Variants in GAB1 observed in about 807,000 individuals in gnomAD.
GAB1 encodes GRB2-associated-binding protein 1.
In GAB1, 19 loss-of-function variants were observed where a neutral mutation model predicts 66.5. The observed-to-expected ratio is 0.29, with a 90% CI of 0.20 to 0.42. GAB1 has a LOEUF of 0.42. Ranked by LOEUF, GAB1 falls within the 10% of genes least tolerant of loss-of-function variation. GAB1 has a pLI of 1.00. For synonymous variants in GAB1, 294 were observed against 301.4 expected, an observed-to-expected ratio of 0.98 and a Z score of 0.25; for missense variants, 732 against 858.5, an observed-to-expected ratio of 0.85 and a Z score of 1.84.
At chr4:143,364,687 G>A (rs554940424) in intron 1 of GAB1, among the ~76,000 whole-genome samples, 84 of 151,906 alleles carry the variant, frequency 5.5e-4, no homozygotes, top group African/African-American at 1.8e-3. Flanking sequence ...TTTGTTCTGG[G>A]GGATGGGAAT....
At chr4:143,357,103 A>G (rs1729475548) in intron 1 of GAB1, among the ~76,000 whole-genome samples, 1 of 152,054 alleles carries the variant, frequency 6.6e-6, no homozygotes, top group African/African-American at 2.4e-5. Flanking sequence ...TTAGTCCTGA[A>G]GCTCTTTCTG....
rs146173910 is a variant in GAB1, at chr4:143,344,351, G to A, written c.72+7091G>A. The stretch of plus-strand genomic sequence containing the variant: ...GGGTTTCTCTCATTTCACATTCCTC[G>A]CATCAACATGGCGCCTAATTTCCAC... On this transcript the variant is annotated intron_variant, in intron 1 of 9. Coordinates refer to ENST00000262994, the MANE Select transcript of GAB1 (RefSeq NM_002039.4). Among the ~76,000 whole-genome samples, 728 of 152,146 alleles carry A rather than the reference G, an allele frequency of 4.8e-3. 2 individuals are homozygous for A. Among genetic ancestry groups the A allele is most frequent in the Middle Eastern group, 0.031 (9 of 294 alleles).
intron 1 of GAB1, among the ~76,000 whole-genome samples, chr4:143,409,691 A>G (rs915685315): frequency 6.6e-6 from 1 of 152,084 alleles, no homozygotes; most frequent in African/African-American, 2.4e-5. Context: ...TGTGGGGAGG[A>G]AAGGGGAAGG....
intron 2 of GAB1, among the ~76,000 whole-genome samples, chr4:143,428,264 T>C (rs1393062129): frequency 6.6e-6 from 1 of 152,174 alleles, no homozygotes. Flanking sequence ...ACCCAAAGCT[T>C]AGAATTGAGT....
At chr4:143,398,600 C>T (rs1731581412) in intron 1 of GAB1, among the ~76,000 whole-genome samples, 2 of 151,638 alleles carry the variant, frequency 1.3e-5, no homozygotes, top group Non-Finnish European at 2.9e-5. Context: ...CAGTGTGTGT[C>T]ATTTGTATAA....
At chr4:143,427,535 T>TA (rs797018263) in intron 2 of GAB1, among the ~76,000 whole-genome samples, 1,515 of 144,240 alleles carry the variant, frequency 0.011, 7 homozygotes, top group Admixed American at 0.012. Context: ...GCCTGACTGG[T>TA]AAAAAAAAAA....
At chr4:143,380,353 G>T (rs1268069508) in intron 1 of GAB1, among the ~76,000 whole-genome samples, 1 of 152,052 alleles carries the variant, frequency 6.6e-6, no homozygotes, top group East Asian at 1.9e-4. Context: ...AGGCAACTTA[G>T]CAATTCATAT....
chr4:143,431,896 A>T lies in GAB1; in HGVS notation c.368-1595A>T, dbSNP rs183592047. Among the ~76,000 whole-genome samples, 179 of 152,310 alleles carry T rather than the reference A, an allele frequency of 1.2e-3. 1 individual carries two copies. Among genetic ancestry groups the T allele is most frequent in the Admixed American group, 7.9e-3 (121 of 15,296 alleles). On this transcript the variant is annotated intron_variant, in intron 2 of 9. Coordinates refer to ENST00000262994, the MANE Select transcript of GAB1 (RefSeq NM_002039.4). ...AACTAAAACTTTACAGAGAAAGAAG[A>T]AGCAGTTTTCCTTATCATTCTTGGT... is the stretch of plus-strand genomic sequence containing the variant.
At chr4:143,402,763 A>AT (rs2149701822) in intron 1 of GAB1, among the ~76,000 whole-genome samples, 1 of 152,330 alleles carries the variant, frequency 6.6e-6, no homozygotes, top group Non-Finnish European at 1.5e-5. Context: ...GAAATGTGAA[A>AT]TTCTGTGGTG....
intron 1 of GAB1, among the ~76,000 whole-genome samples, chr4:143,350,738 A>G (rs990603610): frequency 6.6e-6 from 1 of 151,744 alleles, no homozygotes; most frequent in African/African-American, 2.4e-5. Context: ...TGGGAAAAAA[A>G]TTATGTATAG....
At chr4:143,426,008 A>G in intron 2 of GAB1, 1 of 631,258 alleles carries the variant, frequency 1.6e-6, no homozygotes, top group South Asian at 2.0e-5. Context: ...AAAAATTACA[A>G]AAAAAGAAAA....
intron 1 of GAB1, 35 bp downstream of exon 1, chr4:143,337,295 C>G (rs775444261): frequency 6.5e-7 from 1 of 1,538,114 alleles, no homozygotes; most frequent in South Asian, 1.2e-5. Context: ...CCGCGGGCCT[C>G]GGCGTCCACA....
chr4:143,393,623 T>C (rs1256962089), intron 1 of GAB1, among the ~76,000 whole-genome samples: 1 of 152,196 alleles, frequency 6.6e-6, no homozygotes, highest in East Asian at 1.9e-4. Flanking sequence ...GAAAAAATCT[T>C]GAAAGATCAT....
intron 1 of GAB1, among the ~76,000 whole-genome samples, chr4:143,405,127 C>G (rs1219980836): frequency 1.3e-5 from 2 of 152,194 alleles, no homozygotes; most frequent in Non-Finnish European, 2.9e-5. Flanking sequence ...TACTTCATAG[C>G]ATATGCCATT....
chr4:143,446,899 G>A (rs1734585206), intron 6 of GAB1, among the ~76,000 whole-genome samples: 1 of 151,362 alleles, frequency 6.6e-6, no homozygotes, highest in Non-Finnish European at 1.5e-5. Context: ...TAATGCCTAG[G>A]TTTTCTTCTA....
At chr4:143,404,345 C>T (rs1424255634) in intron 1 of GAB1, among the ~76,000 whole-genome samples, 1 of 152,112 alleles carries the variant, frequency 6.6e-6, no homozygotes, top group African/African-American at 2.4e-5. Flanking sequence ...ATATGGGACA[C>T]ATTTTTAGGG....
In GAB1 at chr4:143,466,638, C is replaced by T. The variant is rs534429584; in HGVS notation, c.1926+413C>T. Among the ~76,000 whole-genome samples, 159 of 151,570 alleles carry T rather than the reference C, an allele frequency of 1.0e-3. 1 individual carries two copies. The highest frequency in any genetic ancestry group is 3.6e-3 in the African/African-American group (148 of 41,310). On this transcript the variant is annotated intron_variant, in intron 9 of 9. Coordinates refer to ENST00000262994, the MANE Select transcript of GAB1 (RefSeq NM_002039.4). ...CCAAATAGCTGGGATTACAGATGCGCGCCACCACTCCTGGCTAATTTTTGT... is the reference window on the plus strand; with the variant it reads ...CCAAATAGCTGGGATTACAGATGCGTGCCACCACTCCTGGCTAATTTTTGT...
intron 1 of GAB1, among the ~76,000 whole-genome samples, chr4:143,369,160 C>G (rs1581235090): frequency 6.6e-6 from 1 of 152,256 alleles, no homozygotes. Flanking sequence ...AGGCTGGTCT[C>G]AAACTCCTGG....
chr4:143,405,625 C>G (rs1732004049), intron 1 of GAB1, among the ~76,000 whole-genome samples: 1 of 152,120 alleles, frequency 6.6e-6, no homozygotes, highest in African/African-American at 2.4e-5. Context: ...ATCACCCATG[C>G]CTTTTAACCA....
Sources: allele counts gnomAD v4.1 joint callset (sites outside exome capture counted in the v4.1 genomes callset), GRCh38; gene constraint gnomAD v4.1.1; transcripts MANE v1.5; gene names NCBI Gene and HGNC (gene_info 2026-07-23, HGNC 2026-07-21).